The following ANKS1B variants were observed in gnomAD, a reference collection of about 807,000 sequenced individuals.
The protein encoded by ANKS1B is ankyrin repeat and sterile alpha motif domain containing 1B.
Under a neutral mutation model 148.3 loss-of-function variants are expected in ANKS1B, and 36 were observed. The observed-to-expected ratio is 0.24, with a 90% CI of 0.19 to 0.32. ANKS1B has a LOEUF of 0.32. ANKS1B is among the 10% of genes least tolerant of loss of function. The pLI is 1.00. For synonymous variants in ANKS1B, 542 were observed against 560.8 expected (o/e 0.97, Z 0.47); for missense variants, 1,157 against 1,542.6 (o/e 0.75, Z 4.19).
intron 17 of ANKS1B, among the ~76,000 whole-genome samples, chr12:98,863,879 G>C (rs1414520799): frequency 1.3e-5 from 2 of 152,134 alleles, no homozygotes; most frequent in African/African-American, 2.4e-5. Context: ...GATATAACTG[G>C]GTCAGACAAA....
chr12:98,941,581 A>T (rs1197040670), intron 17 of ANKS1B, among the ~76,000 whole-genome samples: 1 of 152,228 alleles, frequency 6.6e-6, no homozygotes, highest in Non-Finnish European at 1.5e-5. Context: ...ATTCAATTTT[A>T]GCAAGTAGGG....
intron 9 of ANKS1B, among the ~76,000 whole-genome samples, chr12:99,637,502 G>C (rs2098250029): frequency 6.6e-6 from 1 of 152,092 alleles, no homozygotes. Context: ...ATTAACATTT[G>C]AGTCAGTGAG....
At chr12:99,606,835 C>T (rs2097854800) in intron 9 of ANKS1B, among the ~76,000 whole-genome samples, 1 of 151,956 alleles carries the variant, frequency 6.6e-6, no homozygotes, top group African/African-American at 2.4e-5. Context: ...TCTTTTTGTT[C>T]TTTTAAAAAA....
At chr12:99,354,734 AT>A (rs2091809794) in intron 12 of ANKS1B, among the ~76,000 whole-genome samples, 2 of 152,102 alleles carry the variant, frequency 1.3e-5, no homozygotes, top group Non-Finnish European at 1.5e-5. Context: ...TGCAAAATCA[AT>A]TGCATAAGTA....
At chr12:99,383,850 A>C (rs1453512956) in intron 12 of ANKS1B, among the ~76,000 whole-genome samples, 1 of 121,248 alleles carries the variant, frequency 8.2e-6, no homozygotes, top group African/African-American at 4.4e-5. Flanking sequence ...CCATCTCTAC[A>C]AAAAAAAAAA....
At chr12:99,875,093 T>A (rs1034326147) in intron 1 of ANKS1B, among the ~76,000 whole-genome samples, 8 of 152,160 alleles carry the variant, frequency 5.3e-5, no homozygotes, top group Admixed American at 3.3e-4. Context: ...TGCATGAAGT[T>A]GCTACCTAAA....
intron 9 of ANKS1B, among the ~76,000 whole-genome samples, chr12:99,560,703 C>A (rs1258119354): frequency 6.6e-6 from 1 of 152,036 alleles, no homozygotes; most frequent in African/African-American, 2.4e-5. Context: ...TGCTAACATG[C>A]TAACAATCAT....
intron 17 of ANKS1B, among the ~76,000 whole-genome samples, chr12:99,003,816 T>G (rs745835181): frequency 6.6e-6 from 1 of 152,126 alleles, no homozygotes; most frequent in Non-Finnish European, 1.5e-5. Flanking sequence ...ACCAATTGGC[T>G]AGGCTAACAA....
At chr12:99,006,069 T>G (rs978274051) in intron 17 of ANKS1B, among the ~76,000 whole-genome samples, 4 of 152,208 alleles carry the variant, frequency 2.6e-5, no homozygotes, top group African/African-American at 9.6e-5. Flanking sequence ...TAGAAGTTCA[T>G]GTATTTTCCT....
chr12:99,017,826 T>A (rs1048847476), intron 17 of ANKS1B, among the ~76,000 whole-genome samples: 2 of 152,096 alleles, frequency 1.3e-5, no homozygotes, highest in Non-Finnish European at 2.9e-5. Context: ...CAGTGCTGGG[T>A]GATTACCAGA....
rs1375178006 is a variant in ANKS1B at position 99,681,984 on chromosome 12, A to G, written c.1129-26774T>C. 3.3e-5 allele frequency among the ~76,000 whole-genome samples: 5 copies of G among 152,244 alleles called. 1 individual carries two copies. The highest frequency in any genetic ancestry group is 7.3e-5 in the Non-Finnish European group (5 of 68,040). Reference sequence around the variant, plus strand: ...GAGTAGCTATTCTTACATAAGGTAAAACAGACTTTGAAGCAACAAAAGTTT... The same window carrying G: ...GAGTAGCTATTCTTACATAAGGTAAGACAGACTTTGAAGCAACAAAAGTTT... On this transcript the variant is annotated intron_variant, in intron 8 of 26. Transcript: ENST00000683438.
Position 99,067,187 on chromosome 12 carries a change from C to T in ANKS1B, c.2626-13878G>A, listed in dbSNP as rs2044640468. On this transcript the variant is annotated intron_variant, in intron 16 of 26. Transcript: ENST00000683438. ...AAGGAGTAGGCAGAATTAGCACCAG[C>T]AACTTTGTCAGCAAGAAGAGATGGT... 2.0e-5 allele frequency among the ~76,000 whole-genome samples: 3 copies of T among 152,330 alleles called. No homozygotes were observed. The East Asian group carries it at 5.8e-4, about 29-fold the overall frequency.
intron 17 of ANKS1B, among the ~76,000 whole-genome samples, chr12:98,877,734 C>A (rs949710727): frequency 3.3e-5 from 5 of 152,076 alleles, no homozygotes; most frequent in Admixed American, 1.3e-4. Flanking sequence ...TCCCAGTGAC[C>A]CTTATTTTTA....
At chr12:99,482,725 C>G (rs2096431905) in intron 10 of ANKS1B, among the ~76,000 whole-genome samples, 1 of 151,774 alleles carries the variant, frequency 6.6e-6, no homozygotes, top group South Asian at 2.1e-4. Context: ...GATCTTTCAC[C>G]TTCTTGGTTA....
At chr12:99,833,381 G>C (rs1288438281) in intron 1 of ANKS1B, among the ~76,000 whole-genome samples, 2 of 152,174 alleles carry the variant, frequency 1.3e-5, no homozygotes, top group African/African-American at 2.4e-5. Flanking sequence ...TTGTTTTACA[G>C]ACCAGGGGAG....
At chr12:99,275,030 C>T (rs2077499805) in intron 12 of ANKS1B, among the ~76,000 whole-genome samples, 1 of 152,096 alleles carries the variant, frequency 6.6e-6, no homozygotes, top group Non-Finnish European at 1.5e-5. Flanking sequence ...TCTTGAAGGT[C>T]ACTTTTTAAT....
chr12:98,913,786 A>G (rs2099790097), intron 17 of ANKS1B, among the ~76,000 whole-genome samples: 1 of 151,900 alleles, frequency 6.6e-6, no homozygotes, highest in Admixed American at 6.6e-5. Context: ...TGCCACTACC[A>G]CACCCATCTA....
At chr12:99,100,185 A>G (rs2057517706) in intron 15 of ANKS1B, among the ~76,000 whole-genome samples, 1 of 152,230 alleles carries the variant, frequency 6.6e-6, no homozygotes, top group South Asian at 2.1e-4. Flanking sequence ...GAGGTCATTT[A>G]ACCCTAACAA....
intron 11 of ANKS1B, among the ~76,000 whole-genome samples, chr12:99,422,190 G>T (rs1179124767): frequency 6.6e-6 from 1 of 152,190 alleles, no homozygotes. Context: ...GTGCCCTGGT[G>T]CAATGGCATC....
Sources: gnomAD v4.1 joint callset for allele counts (sites outside exome capture counted in the v4.1 genomes callset) on GRCh38, gnomAD v4.1.1 for gene constraint, MANE v1.5 for transcripts, NCBI Gene and HGNC (gene_info 2026-07-23, HGNC 2026-07-21) for gene names.